The following ERGIC3 variants were observed in gnomAD, a reference collection of about 807,000 sequenced individuals.
ERGIC3 encodes the protein ERGIC and golgi 3, also known as endoplasmic reticulum-Golgi intermediate compartment protein 3.
A neutral mutation model predicts 54.7 loss-of-function variants in ERGIC3; 33 were observed. The ratio of observed to expected loss-of-function variants is 0.60; its 90% CI spans 0.46 to 0.81. The LOEUF is 0.81. Among genes scored for constraint, ERGIC3 ranks in the 30% least tolerant of loss-of-function variants. ERGIC3 has a pLI of 0.00. For synonymous variants in ERGIC3, 186 were observed against 189.8 expected (o/e 0.98, Z 0.16); for missense variants, 399 against 488.4 (o/e 0.82, Z 1.73).
chr20:35,542,322 G>A lies in ERGIC3; in HGVS notation c.89-1G>A. ...TCTGACCCTCGCCCCTTGTCCTGCAGTGACCATTGTCAGTGGCCTTCTCAT... is the reference window on the plus strand; with the variant it reads ...TCTGACCCTCGCCCCTTGTCCTGCAATGACCATTGTCAGTGGCCTTCTCAT... On this transcript the variant is annotated splice_acceptor_variant, in intron 1 of 12. Coordinates refer to ENST00000348547, the MANE Select transcript of ERGIC3 (RefSeq NM_015966.3). LOFTEE classifies it high-confidence loss of function. 1.9e-6 allele frequency: 3 copies of A among 1,614,082 alleles called. No homozygotes were observed. Among genetic ancestry groups the A allele is most frequent in the Non-Finnish European group, 2.5e-6 (3 of 1,180,026 alleles).
Position 35,542,169 on chromosome 20 carries a change from C to A in ERGIC3, c.72C>A (p.Thr24=). ...CTTTGGAGGACTTCCGGGTCAAGAC[C>A]TGCGGGGGCGCCACCGGTAGGCCGC... The part of the protein sequence containing the change: ...PKTLEDFRVK[T]CGGATVTIVS... The change falls in exon 1 of 13, where the codon ACC becomes ACA. Residue 24 remains threonine (T), a synonymous_variant. Coordinates refer to ENST00000348547, the MANE Select transcript of ERGIC3 (RefSeq NM_015966.3). The A allele has an allele frequency of 1.3e-6, 2 of 1,579,680 alleles. No individual in the cohort carries two copies. Among genetic ancestry groups the A allele is most frequent in the Non-Finnish European group, 1.7e-6 (2 of 1,162,080 alleles).
chr20:35,548,984 CT>C (rs2147306250), intron 7 of ERGIC3, 119 bp downstream of exon 7: 1 of 1,237,846 alleles, frequency 8.1e-7, no homozygotes, highest in South Asian at 1.2e-5. Context: ...CAGAGCAGGC[CT>C]TCATCTCAGG....
At position 35,557,179 on chromosome 20, in the gene ERGIC3, C is replaced by T. The variant is rs750284270; in HGVS notation, c.1017-15C>T. The T allele has an allele frequency of 1.2e-6, 2 of 1,614,222 alleles. No individual in the cohort carries two copies. Among genetic ancestry groups the T allele is most frequent in the South Asian group, 1.1e-5 (1 of 91,088 alleles). Reference sequence around the variant, plus strand: ...GAGGAGGATGCCTGCTGAGCCCACCCTCTCCTTCTACCAGGTCCTTCACCC... The same window carrying T: ...GAGGAGGATGCCTGCTGAGCCCACCTTCTCCTTCTACCAGGTCCTTCACCC... On this transcript the variant is annotated splice_polypyrimidine_tract_variant and intron_variant, in intron 11 of 12. Coordinates refer to ENST00000348547, the MANE Select transcript of ERGIC3 (RefSeq NM_015966.3).
At chr20:35,549,982 C>T (rs2064673058) in intron 7 of ERGIC3, among the ~76,000 whole-genome samples, 1 of 151,936 alleles carries the variant, frequency 6.6e-6, no homozygotes, top group African/African-American at 2.4e-5. Flanking sequence ...GGGACGTAAC[C>T]CCAGTGTAGG....
Position 35,543,504 on chromosome 20 carries a change from G to A in ERGIC3, c.367+563G>A, listed in dbSNP as rs1347254435. ...TGTGTAAAATGCCTGGTACAGAGTG[G>A]GTACCCACTTTTACCTTCCTTTCCT... is the stretch of plus-strand genomic sequence containing the variant. On this transcript the variant is annotated intron_variant, in intron 4 of 12. Transcript: ENST00000348547. 9.3e-6 allele frequency: 4 copies of A among 432,156 alleles called. No homozygotes were observed. In the East Asian group the frequency reaches 2.1e-4, roughly 23 times the overall value. The allele number at this position is 432,156 out of a possible 1,614,324, so 26.8% of individuals were successfully genotyped here.
At chr20:35,556,352 GGA>G in intron 10 of ERGIC3, 81 bp downstream of exon 10, 3 of 1,474,746 alleles carry the variant, frequency 2.0e-6, no homozygotes, top group Non-Finnish European at 2.8e-6. Context: ...GTCAGCCTGG[GGA>G]GTGAAAGCTG....
chr20:35,547,958 G>T (rs1568869963), intron 5 of ERGIC3, among the ~76,000 whole-genome samples: 1 of 152,188 alleles, frequency 6.6e-6, no homozygotes, highest in Non-Finnish European at 1.5e-5. Context: ...CTGTTTCCCA[G>T]ACCCTGACTT....
chr20:35,557,117 T>TG lies in ERGIC3; in HGVS notation c.1016+13dup. The TG allele has an allele frequency of 6.2e-7, 1 of 1,614,194 alleles. No homozygotes were observed. The highest frequency in any genetic ancestry group is 8.5e-7 in the Non-Finnish European group (1 of 1,180,006). Reference sequence around the variant, plus strand: ...GCTGACGGAGAAGCACAGGTGAGGATGGGGGCAAAGCGGCCTCTGGGGGCC... The same window carrying TG: ...GCTGACGGAGAAGCACAGGTGAGGATGGGGGGCAAAGCGGCCTCTGGGGGCC... On this transcript the variant is annotated intron_variant, in intron 11 of 12. Transcript: ENST00000348547.
rs1266697921 is a variant in ERGIC3 at position 35,548,653 on chromosome 20, T to G, written c.606T>G (p.Tyr202Ter). Residue 202 changes from tyrosine to a stop codon, truncating the protein, a stop_gained, in exon 6 of 13, where the codon TAT becomes TAG. Transcript: ENST00000348547. LOFTEE classifies it high-confidence loss of function. ...QEQKNEGCQV[Y>*]GFLEVNKVAG... ...AGAAGAATGAAGGCTGCCAGGTGTA[T>G]GGCTTCTTGGAAGTCAATAAGGTAT... is the stretch of plus-strand genomic sequence containing the variant. 6.2e-7 allele frequency: 1 copy of G among 1,614,204 alleles called. No homozygotes were observed. The highest frequency in any genetic ancestry group is 1.1e-5 in the South Asian group (1 of 91,082).
At chr20:35,548,468 A>G (rs1226783308) in intron 5 of ERGIC3, 41 bp from the exon 6 acceptor site, 1 of 1,603,994 alleles carries the variant, frequency 6.2e-7, no homozygotes. Flanking sequence ...CACTGGACTT[A>G]TGCCTCTTTA....
At chr20:35,555,002 A>C (rs1335714359) in intron 7 of ERGIC3, 42 bp from the exon 8 acceptor site, 1 of 1,612,340 alleles carries the variant, frequency 6.2e-7, no homozygotes, top group Non-Finnish European at 8.5e-7. Flanking sequence ...TGCTGCTCCT[A>C]CTAATGACGC....
intron 10 of ERGIC3, 96 bp downstream of exon 10, chr20:35,556,367 T>G: frequency 7.7e-7 from 1 of 1,303,650 alleles, no homozygotes. Flanking sequence ...GAAAGCTGCC[T>G]CGTCCTCACA....
intron 5 of ERGIC3, among the ~76,000 whole-genome samples, chr20:35,548,153 C>T (rs966484322): frequency 5.3e-5 from 8 of 152,228 alleles, no homozygotes; most frequent in East Asian, 1.9e-4. Context: ...AACTTGTCAT[C>T]GCCTCAAACA....
chr20:35,553,030 T>TTTTTTTATTTTTTTTTTTTTTA (rs2064690153), intron 7 of ERGIC3, among the ~76,000 whole-genome samples: 1 of 119,888 alleles, frequency 8.3e-6, no homozygotes, highest in African/African-American at 3.1e-5. Context: ...ATTTTTTTTT[T>TTTTTTTATTTTTTTTTTTTTTA]TTTTTTTTTT....
chr20:35,543,560 T>C, intron 4 of ERGIC3: 1 of 469,196 alleles, frequency 2.1e-6, no homozygotes, highest in Non-Finnish European at 4.4e-6. Context: ...TTCCCTTCGT[T>C]AACTCAGTTT....
intron 7 of ERGIC3, 151 bp from the exon 8 acceptor site, chr20:35,554,893 C>A: frequency 1.1e-6 from 1 of 930,626 alleles, no homozygotes; most frequent in African/African-American, 1.6e-5. Context: ...CCCTTTCTGG[C>A]TGTCCTTAAG....
rs745649800 is a variant in ERGIC3 at position 35,542,583 on chromosome 20, C to T, written c.230C>T (p.Pro77Leu). 1 of 1,613,832 alleles carries T rather than the reference C, an allele frequency of 6.2e-7. No homozygotes were observed. The highest frequency in any genetic ancestry group is 8.5e-7 in the Non-Finnish European group (1 of 1,180,010). ...AAGATCAACATCGATGTACTTTTTC[C>T]GCACATGCCTTGTGCCTGTGAGTAC... ...KLKINIDVLF[P>L]HMPCAYLSID... Residue 77 changes from proline (P) to leucine (L), a missense_variant, in exon 3 of 13, where the codon CCG (proline) becomes CTG (leucine). Pro to Leu is a moderately conservative substitution (Grantham distance 98, BLOSUM62 -3). Transcript: ENST00000348547.
intron 4 of ERGIC3, chr20:35,543,379 C>CA (rs1468616343): frequency 5.9e-6 from 2 of 339,366 alleles, no homozygotes; most frequent in African/African-American, 4.3e-5. Flanking sequence ...CCTGGGTTCA[C>CA]ATCTAGCTTT....
chr20:35,555,897 A>G (rs1601368206), intron 8 of ERGIC3, 136 bp from the exon 9 acceptor site: 6 of 695,644 alleles, frequency 8.6e-6, no homozygotes, highest in East Asian at 2.8e-5. Context: ...GGAATGGGGG[A>G]TTCTTATCTC....
Sources: allele counts gnomAD v4.1 joint callset (sites outside exome capture counted in the v4.1 genomes callset), GRCh38; gene constraint gnomAD v4.1.1; transcripts MANE v1.5; gene names NCBI Gene and HGNC (gene_info 2026-07-23, HGNC 2026-07-21).